The following GCFC2 variants were observed in gnomAD, a reference collection of about 807,000 sequenced individuals.
GCFC2 encodes GC-rich sequence DNA-binding factor 2.
A neutral mutation model predicts 99.4 loss-of-function variants in GCFC2; 102 were observed. That is an observed-to-expected ratio of 1.03 (90% CI 0.87 to 1.21). GCFC2 has a LOEUF of 1.21. GCFC2 is among the 50% of genes most tolerant of loss of function. The pLI, the probability that GCFC2 is intolerant of heterozygous loss-of-function variation, is 0.00. For synonymous variants in GCFC2, 338 were observed against 316.8 expected, an observed-to-expected ratio of 1.07 and a Z score of -0.71; for missense variants, 973 against 920.9, an observed-to-expected ratio of 1.06 and a Z score of -0.73.
chr2:75,709,427 A>T (rs138215368), intron 1 of GCFC2, among the ~76,000 whole-genome samples: 156 of 152,356 alleles, frequency 1.0e-3, no homozygotes, highest in African/African-American at 3.4e-3. Flanking sequence ...CCTGGAGGAC[A>T]TTATGTTACA....
chr2:75,664,829 G>T, intron 16 of GCFC2, 46 bp from the exon 17 acceptor site: 1 of 852,500 alleles, frequency 1.2e-6, no homozygotes, highest in Non-Finnish European at 2.0e-6. Flanking sequence ...CAATGTATGA[G>T]GGAACAGCGG....
chr2:75,685,218 C>T (rs2104310230), intron 11 of GCFC2, among the ~76,000 whole-genome samples: 1 of 152,184 alleles, frequency 6.6e-6, no homozygotes. Context: ...AATAAACAAA[C>T]AAAAAATCCC....
chr2:75,706,853 T>C lies in GCFC2; in HGVS notation c.266-202A>G, dbSNP rs1480042650. 2.6e-5 allele frequency among the ~76,000 whole-genome samples: 4 copies of C among 152,224 alleles called. No homozygotes were observed. The East Asian group carries it at 7.7e-4, about 29-fold the overall frequency. ...TAAGTGTACAAAGACCCTATTTGTA[T>C]TATCTAGGCATCTAATAATATATTT... On this transcript the variant is annotated intron_variant, in intron 1 of 16. Coordinates refer to ENST00000321027, the MANE Select transcript of GCFC2 (RefSeq NM_003203.5).
At chr2:75,674,855 A>G (rs1679272510) in intron 12 of GCFC2, among the ~76,000 whole-genome samples, 1 of 152,098 alleles carries the variant, frequency 6.6e-6, no homozygotes, top group African/African-American at 2.4e-5. Flanking sequence ...ATATATCAAC[A>G]TTTATTTAAT....
chr2:75,689,614 A>G (rs1679970160), intron 9 of GCFC2, among the ~76,000 whole-genome samples: 1 of 152,122 alleles, frequency 6.6e-6, no homozygotes, highest in Admixed American at 6.5e-5. Flanking sequence ...TTTTTCAACT[A>G]TATGCATCTT....
At chr2:75,675,679 G>A (rs1207473457) in intron 12 of GCFC2, among the ~76,000 whole-genome samples, 1 of 148,644 alleles carries the variant, frequency 6.7e-6, no homozygotes, top group African/African-American at 2.5e-5. Context: ...AGGAGGTGGA[G>A]GTTGCAGTGA....
At chr2:75,685,974 T>C (rs949060723) in intron 11 of GCFC2, among the ~76,000 whole-genome samples, 1 of 152,222 alleles carries the variant, frequency 6.6e-6, no homozygotes, top group Non-Finnish European at 1.5e-5. Flanking sequence ...TCTTTCTCTC[T>C]TGCTGCACAA....
intron 11 of GCFC2, among the ~76,000 whole-genome samples, chr2:75,687,582 C>G (rs1398600447): frequency 2.0e-5 from 3 of 152,126 alleles, no homozygotes; most frequent in Non-Finnish European, 4.4e-5. Context: ...ACTGTTGGAA[C>G]TGCTGATGAT....
intron 11 of GCFC2, among the ~76,000 whole-genome samples, chr2:75,681,208 C>T (rs547573033): frequency 2.6e-5 from 4 of 152,310 alleles, no homozygotes; most frequent in African/African-American, 9.6e-5. Flanking sequence ...CCGGTGATTT[C>T]TGCATTTCCA....
At position 75,710,670 on chromosome 2, in the gene GCFC2, C is replaced by A. The variant is rs758963547; in HGVS notation, c.186G>T (p.Arg62=). 2.6e-6 allele frequency: 4 copies of A among 1,521,602 alleles called. No individual in the cohort carries two copies. Among genetic ancestry groups the A allele is most frequent in the East Asian group, 2.6e-5 (1 of 38,618 alleles). 94.3% of individuals were successfully genotyped at this position (1,521,602 alleles called of 1,614,324 possible). Residue 62 remains arginine (R), a synonymous_variant, in exon 1 of 17, where the codon CGG becomes CGT. Coordinates refer to ENST00000321027, the MANE Select transcript of GCFC2 (RefSeq NM_003203.5). The part of the protein sequence containing the change: ...AQVAGLPHRV[R]GPRGRGRVWA... ...AGACCCGGCCCCGGCCACGAGGGCC[C>A]CGAACCCGGTGGGGCAGTCCCGCCA...
At chr2:75,700,225 T>C (rs1181112714) in intron 4 of GCFC2, among the ~76,000 whole-genome samples, 1 of 152,146 alleles carries the variant, frequency 6.6e-6, no homozygotes, top group African/African-American at 2.4e-5. Flanking sequence ...AGACCCCTAT[T>C]GTTGGATATT....
chr2:75,712,636 T>C (rs900738587), upstream of GCFC2, among the ~76,000 whole-genome samples: 2 of 152,180 alleles, frequency 1.3e-5, no homozygotes, highest in African/African-American at 2.4e-5. Flanking sequence ...ATCTTGCTAC[T>C]GCTGACTCTT....
upstream of GCFC2, chr2:75,711,257 G>C (rs1442639677): frequency 1.0e-6 from 1 of 970,126 alleles, no homozygotes; most frequent in African/African-American, 1.8e-5. Context: ...TTTCTGGAGA[G>C]AGTGCCCCCT....
chr2:75,711,861 C>A (rs1384531358), upstream of GCFC2, among the ~76,000 whole-genome samples: 1 of 152,266 alleles, frequency 6.6e-6, no homozygotes, highest in Admixed American at 6.5e-5. Flanking sequence ...CTCCCATCCA[C>A]TCCATGGGCT....
At chr2:75,696,039 A>T (rs922574482) in intron 5 of GCFC2, among the ~76,000 whole-genome samples, 161 bp downstream of exon 5, 3 of 152,232 alleles carry the variant, frequency 2.0e-5, no homozygotes, top group African/African-American at 7.2e-5. Context: ...AGTGTATACA[A>T]AAATGAAATA....
At chr2:75,694,526 C>A in intron 5 of GCFC2, 99 bp from the exon 6 acceptor site, 1 of 463,544 alleles carries the variant, frequency 2.2e-6, no homozygotes, top group Non-Finnish European at 3.6e-6. Context: ...AACTGACAAT[C>A]ATATAAATCT....
chr2:75,678,175 G>T (rs1340039326), intron 12 of GCFC2, among the ~76,000 whole-genome samples: 1 of 152,124 alleles, frequency 6.6e-6, no homozygotes, highest in Non-Finnish European at 1.5e-5. Context: ...GAGACAATGT[G>T]AAAGTATTTA....
chr2:75,672,804 G>C (rs976087822), intron 13 of GCFC2, among the ~76,000 whole-genome samples: 1 of 152,024 alleles, frequency 6.6e-6, no homozygotes, highest in Non-Finnish European at 1.5e-5. Flanking sequence ...GAAAACAAGT[G>C]CATAAAAATA....
intron 11 of GCFC2, 51 bp downstream of exon 11, chr2:75,687,774 TTA>T: frequency 7.3e-7 from 1 of 1,377,828 alleles, no homozygotes; most frequent in South Asian, 1.2e-5. Flanking sequence ...ATTAACAACC[TTA>T]TATACTCTGT....
Sources: allele counts gnomAD v4.1 joint callset (sites outside exome capture counted in the v4.1 genomes callset), GRCh38; gene constraint gnomAD v4.1.1; transcripts MANE v1.5; gene names NCBI Gene and HGNC (gene_info 2026-07-23, HGNC 2026-07-21).